The following STXBP5L variants were observed in gnomAD, a reference collection of about 807,000 sequenced individuals.
The protein encoded by STXBP5L is syntaxin binding protein 5L.
In STXBP5L, 65 loss-of-function variants were observed where a neutral mutation model predicts 144.5. The observed-to-expected ratio is 0.45, with a 90% CI of 0.37 to 0.55. The LOEUF (loss-of-function observed/expected upper bound fraction) is 0.55, where lower values mean the gene tolerates loss of function less well. Ranked by LOEUF, STXBP5L falls within the 20% of genes least tolerant of loss-of-function variation. The pLI, the probability that STXBP5L is intolerant of heterozygous loss-of-function variation, is 0.00. For missense variants in STXBP5L, 1,298 were observed against 1,405.5 expected, an observed-to-expected ratio of 0.92 and a Z score of 1.22; for synonymous variants, 505 against 469.6, an observed-to-expected ratio of 1.08 and a Z score of -0.97.
intron 2 of STXBP5L, among the ~76,000 whole-genome samples, chr3:120,945,616 A>G (rs1253187989): frequency 1.3e-5 from 2 of 151,764 alleles, no homozygotes; most frequent in East Asian, 1.9e-4. Context: ...TTAACCTGAG[A>G]TGCATAGCCA....
intron 5 of STXBP5L, among the ~76,000 whole-genome samples, chr3:121,057,227 C>T (rs2107616333): frequency 6.6e-6 from 1 of 151,976 alleles, no homozygotes; most frequent in African/African-American, 2.4e-5. Flanking sequence ...CGTCAAAAAA[C>T]AGGCAAAATT....
At chr3:120,943,409 A>T (rs1427958082) in intron 2 of STXBP5L, among the ~76,000 whole-genome samples, 1 of 151,704 alleles carries the variant, frequency 6.6e-6, no homozygotes, top group Admixed American at 6.6e-5. Context: ...AGAAGTTCTC[A>T]CAATTTGAAG....
intron 2 of STXBP5L, among the ~76,000 whole-genome samples, chr3:120,939,611 G>A (rs373702602): frequency 2.0e-5 from 3 of 152,108 alleles, no homozygotes; most frequent in South Asian, 4.1e-4. Context: ...AGCTCATGAG[G>A]GAATCAGACG....
intron 4 of STXBP5L, among the ~76,000 whole-genome samples, chr3:121,044,501 C>G (rs984387647): frequency 6.6e-6 from 1 of 152,098 alleles, no homozygotes; most frequent in Non-Finnish European, 1.5e-5. Flanking sequence ...TAACAAAGTA[C>G]TTTGGAAAAT....
intron 20 of STXBP5L, among the ~76,000 whole-genome samples, chr3:121,377,419 A>C (rs2046215372): frequency 6.6e-6 from 1 of 152,202 alleles, no homozygotes; most frequent in African/African-American, 2.4e-5. Flanking sequence ...GTAGGAGAAA[A>C]TTTTTGCAAT....
In STXBP5L at chr3:121,205,198, C is replaced by T. The variant is rs777140884; in HGVS notation, c.878-725C>T. On this transcript the variant is annotated intron_variant, in intron 9 of 26. Coordinates refer to ENST00000471454, the MANE Select transcript of STXBP5L (RefSeq NM_001308330.2). The stretch of plus-strand genomic sequence containing the variant: ...TGCTGTAACAGAATACTACACACTA[C>T]GCAATGTATAAACAATAGAGGTTTA... Among the ~76,000 whole-genome samples the T allele has an allele frequency of 4.5e-4, 68 of 152,216 alleles. 2 individuals are homozygous for T. Among genetic ancestry groups the T allele is most frequent in the Middle Eastern group, 3.4e-3 (1 of 294 alleles).
intron 9 of STXBP5L, among the ~76,000 whole-genome samples, chr3:121,180,448 G>C (rs1559831172): frequency 6.6e-6 from 1 of 152,102 alleles, no homozygotes; most frequent in Non-Finnish European, 1.5e-5. Context: ...TTTGAATCTT[G>C]AAACAAAACC....
intron 19 of STXBP5L, among the ~76,000 whole-genome samples, chr3:121,295,970 T>C (rs980416146): frequency 2.6e-5 from 4 of 152,324 alleles, no homozygotes; most frequent in Admixed American, 6.5e-5. Flanking sequence ...TACTATCTTA[T>C]TATATTACCA....
At chr3:120,911,221 G>A (rs1708820826) in intron 2 of STXBP5L, among the ~76,000 whole-genome samples, 1 of 152,088 alleles carries the variant, frequency 6.6e-6, no homozygotes, top group Non-Finnish European at 1.5e-5. Context: ...AAAGCTTGTA[G>A]AGAAGGTTTT....
intron 5 of STXBP5L, among the ~76,000 whole-genome samples, chr3:121,059,497 TC>T (rs1449508922): frequency 2.6e-5 from 4 of 152,196 alleles, no homozygotes. Flanking sequence ...TAGTTTTTTT[TC>T]TAATTCTGTG....
intron 2 of STXBP5L, among the ~76,000 whole-genome samples, chr3:120,944,713 T>G (rs919345530): frequency 9.9e-5 from 15 of 151,784 alleles, no homozygotes; most frequent in African/African-American, 3.4e-4. Context: ...AATCTTACTT[T>G]TTTATTTTTT....
intron 11 of STXBP5L, 62 bp downstream of exon 11, chr3:121,223,219 C>G (rs1306005605): frequency 1.5e-5 from 23 of 1,498,512 alleles, no homozygotes; most frequent in Non-Finnish European, 2.0e-5. Flanking sequence ...AAGTTTCTAA[C>G]AAAATTAAGG....
At chr3:121,014,001 C>G (rs1944965942) in intron 3 of STXBP5L, among the ~76,000 whole-genome samples, 1 of 151,978 alleles carries the variant, frequency 6.6e-6, no homozygotes, top group Non-Finnish European at 1.5e-5. Context: ...GTCTGTATGT[C>G]TGTTTTTGTA....
At chr3:121,389,644 C>T (rs866503724) in intron 22 of STXBP5L, among the ~76,000 whole-genome samples, 25 of 152,022 alleles carry the variant, frequency 1.6e-4, no homozygotes, top group Non-Finnish European at 2.4e-4. Flanking sequence ...TGTTATTTAC[C>T]CAGTAGTCAT....
chr3:121,031,469 A>C (rs565917440), intron 3 of STXBP5L, among the ~76,000 whole-genome samples: 2 of 152,182 alleles, frequency 1.3e-5, no homozygotes, highest in African/African-American at 4.8e-5. Flanking sequence ...GAGGCTGGCA[A>C]ATCCAAAATC....
rs759394714 is a variant in STXBP5L at position 121,017,976 on chromosome 3, G to T, written c.288-23724G>T. Among the ~76,000 whole-genome samples the T allele has an allele frequency of 3.7e-4, 57 of 152,130 alleles. 1 individual carries two copies. Among genetic ancestry groups the T allele is most frequent in the Non-Finnish European group, 6.5e-4 (44 of 68,034 alleles). On this transcript the variant is annotated intron_variant, in intron 3 of 26. Transcript: ENST00000471454. ...CACCCGCAGTCCTAACTACCCAGGA[G>T]GCTGAGTTGAGAGGATCACTTGAGC... is the stretch of plus-strand genomic sequence containing the variant.
At chr3:121,089,568 G>T (rs866044562) in intron 5 of STXBP5L, among the ~76,000 whole-genome samples, 2 of 151,232 alleles carry the variant, frequency 1.3e-5, no homozygotes, top group Non-Finnish European at 2.9e-5. Flanking sequence ...TCAGATAATT[G>T]GCTGTGATTT....
intron 9 of STXBP5L, among the ~76,000 whole-genome samples, chr3:121,196,367 T>A (rs1424676956): frequency 1.3e-5 from 2 of 151,848 alleles, no homozygotes; most frequent in Non-Finnish European, 2.9e-5. Flanking sequence ...TCAAACTTTT[T>A]ACCTCAGGTA....
At chr3:121,119,691 C>T (rs2107844359) in intron 6 of STXBP5L, among the ~76,000 whole-genome samples, 1 of 151,198 alleles carries the variant, frequency 6.6e-6, no homozygotes, top group East Asian at 1.9e-4. Flanking sequence ...TCCAGGAGTG[C>T]TTTGTGGTTT....
Sources: allele counts gnomAD v4.1 joint callset (sites outside exome capture counted in the v4.1 genomes callset), GRCh38; gene constraint gnomAD v4.1.1; transcripts MANE v1.5; gene names NCBI Gene and HGNC (gene_info 2026-07-23, HGNC 2026-07-21).